The following PPP3CA variants were observed in gnomAD, a reference collection of about 807,000 sequenced individuals.
PPP3CA encodes CAM-PRP catalytic subunit.
PPP3CA carries 14 observed loss-of-function variants against 66.5 expected under a neutral mutation model. The observed-to-expected ratio is 0.21, with a 90% CI of 0.14 to 0.33. The LOEUF (loss-of-function observed/expected upper bound fraction) is 0.33. Ranked by LOEUF, PPP3CA falls within the 10% of genes least tolerant of loss-of-function variation. The pLI is 1.00. For synonymous variants in PPP3CA, 232 were observed against 226.2 expected (o/e 1.03, Z -0.23); for missense variants, 317 against 639.5 (o/e 0.50, Z 5.44).
intron 1 of PPP3CA, among the ~76,000 whole-genome samples, chr4:101,313,395 G>A (rs1470740392): frequency 6.6e-6 from 1 of 152,094 alleles, no homozygotes; most frequent in Non-Finnish European, 1.5e-5. Context: ...CAAGTAGAGA[G>A]TCATCTTCAT....
intron 1 of PPP3CA, among the ~76,000 whole-genome samples, chr4:101,273,662 A>C (rs1226577921): frequency 1.3e-5 from 2 of 152,306 alleles, no homozygotes; most frequent in African/African-American, 4.8e-5. Context: ...GTTCACATTT[A>C]AGAAACTGAA....
At chr4:101,190,176 A>G (rs1724552674) in intron 2 of PPP3CA, among the ~76,000 whole-genome samples, 1 of 152,088 alleles carries the variant, frequency 6.6e-6, no homozygotes, top group Non-Finnish European at 1.5e-5. Context: ...TACCTGAAAC[A>G]CCACTTCTCT....
chr4:101,058,209 G>A (rs765211841), intron 10 of PPP3CA, among the ~76,000 whole-genome samples: 63 of 152,162 alleles, frequency 4.1e-4, no homozygotes, highest in Non-Finnish European at 7.2e-4. Flanking sequence ...AGACACATAG[G>A]ACTTTTAATA....
chr4:101,282,203 T>C (rs1011364790), intron 1 of PPP3CA, among the ~76,000 whole-genome samples: 1 of 152,214 alleles, frequency 6.6e-6, no homozygotes. Flanking sequence ...GAAGTGTTTT[T>C]GACAGTCAAA....
In PPP3CA at chr4:101,109,002, G is replaced by A. The variant is rs1721551050; in HGVS notation, c.336C>T (p.Arg112=). The change falls in exon 3 of 14, where the codon CGC becomes CGT. Residue 112 remains arginine (R), a synonymous_variant. Coordinates refer to ENST00000394854, the MANE Select transcript of PPP3CA (RefSeq NM_000944.5). ...FEVGGSPANT[R]YLFLGDYVDR... is the part of the protein sequence containing the mutation. ...CAACATAGTCCCCTAAGAAGAGGTA[G>A]CGAGTGTTGGCAGGAGATCCCCCGA... 6.2e-7 allele frequency: 1 copy of A among 1,613,660 alleles called. No individual in the cohort carries two copies. Among genetic ancestry groups the A allele is most frequent in the African/African-American group, 1.3e-5 (1 of 74,990 alleles).
intron 2 of PPP3CA, among the ~76,000 whole-genome samples, chr4:101,195,345 A>T (rs538538842): frequency 6.6e-6 from 1 of 152,254 alleles, no homozygotes; most frequent in East Asian, 1.9e-4. Context: ...TTCTTCCGAA[A>T]GTTCAGTGCT....
chr4:101,034,228 G>C (rs1727141015), intron 11 of PPP3CA, among the ~76,000 whole-genome samples: 1 of 152,028 alleles, frequency 6.6e-6, no homozygotes, highest in South Asian at 2.1e-4. Context: ...TCCACTGAGG[G>C]GCGCTGCACT....
At chr4:101,116,754 T>A (rs545836788) in intron 2 of PPP3CA, among the ~76,000 whole-genome samples, 1 of 151,902 alleles carries the variant, frequency 6.6e-6, no homozygotes, top group African/African-American at 2.4e-5. Flanking sequence ...ATCGTTCTAA[T>A]TTACTAAAGA....
Position 101,099,723 on chromosome 4 carries a change from C to G in PPP3CA, c.385-1G>C. 6.9e-7 allele frequency: 1 copy of G among 1,443,376 alleles called. No homozygotes were observed. The highest frequency in any genetic ancestry group is 9.3e-7 in the Non-Finnish European group (1 of 1,076,442). 89.4% of individuals were successfully genotyped at this position (1,443,376 alleles called of 1,614,324 possible). On this transcript the variant is annotated splice_acceptor_variant, in intron 3 of 13. Transcript: ENST00000394854. LOFTEE classifies it high-confidence loss of function. The stretch of plus-strand genomic sequence containing the variant: ...TCAAGGCCCACAAATACAGCACACA[C>G]TGAGAAAAATAAAAATAATATAAAA...
intron 1 of PPP3CA, among the ~76,000 whole-genome samples, chr4:101,247,286 G>A (rs1327741590): frequency 8.6e-5 from 13 of 151,488 alleles, no homozygotes; most frequent in Admixed American, 2.6e-4. Context: ...CTCAGCCTCC[G>A]GAGTAGCTGG....
rs117515229 is a variant in PPP3CA, at chr4:101,106,293, G to A, written c.384+2661C>T. ...CTATGACTGTGCCACTGCAGAGAAT[G>A]AAGCCACAGTGAGCTATGACTGTGC... On this transcript the variant is annotated intron_variant, in intron 3 of 13. Transcript: ENST00000394854. Among the ~76,000 whole-genome samples the A allele has an allele frequency of 2.6e-3, 393 of 151,082 alleles. 6 individuals carry two copies. In the East Asian group the frequency reaches 0.06, roughly 23 times the overall value.
At chr4:101,307,630 A>G (rs1728588992) in intron 1 of PPP3CA, among the ~76,000 whole-genome samples, 1 of 152,226 alleles carries the variant, frequency 6.6e-6, no homozygotes, top group Non-Finnish European at 1.5e-5. Context: ...TCCAGTGTTA[A>G]AAACACTAAA....
intron 7 of PPP3CA, among the ~76,000 whole-genome samples, chr4:101,082,302 C>A (rs1729476193): frequency 2.0e-5 from 3 of 152,198 alleles, no homozygotes; most frequent in Non-Finnish European, 4.4e-5. Context: ...GTGAAATGAA[C>A]TTGGTATCTT....
intron 2 of PPP3CA, among the ~76,000 whole-genome samples, chr4:101,181,673 C>A (rs1237691955): frequency 6.6e-6 from 1 of 152,006 alleles, no homozygotes; most frequent in Non-Finnish European, 1.5e-5. Context: ...AAAAAAGAAA[C>A]ACATTACAAT....
intron 1 of PPP3CA, among the ~76,000 whole-genome samples, chr4:101,275,943 C>T (rs1317380793): frequency 6.6e-6 from 1 of 151,166 alleles, no homozygotes; most frequent in Non-Finnish European, 1.5e-5. Flanking sequence ...GTTGCCCAGA[C>T]TGGAGTGCTG....
intron 2 of PPP3CA, among the ~76,000 whole-genome samples, chr4:101,192,310 T>C (rs1184280746): frequency 6.6e-6 from 1 of 152,136 alleles, no homozygotes; most frequent in Non-Finnish European, 1.5e-5. Flanking sequence ...GAAAGTTTCC[T>C]AATCACCCCA....
intron 2 of PPP3CA, among the ~76,000 whole-genome samples, chr4:101,174,096 C>A (rs889407186): frequency 1.3e-5 from 2 of 151,742 alleles, no homozygotes; most frequent in East Asian, 1.9e-4. Flanking sequence ...ACGCCCCCCC[C>A]ACCCCGCCAG....
intron 1 of PPP3CA, among the ~76,000 whole-genome samples, chr4:101,196,605 A>G (rs1212417411): frequency 6.6e-6 from 1 of 152,174 alleles, no homozygotes; most frequent in Non-Finnish European, 1.5e-5. Flanking sequence ...TACTCACTGT[A>G]TAAGAAAACA....
chr4:101,248,488 A>G (rs1180696780), intron 1 of PPP3CA, among the ~76,000 whole-genome samples: 6 of 152,164 alleles, frequency 3.9e-5, no homozygotes, highest in African/African-American at 1.2e-4. Flanking sequence ...ATTTAAACAT[A>G]TATATTTATA....
Sources: allele counts gnomAD v4.1 joint callset (sites outside exome capture counted in the v4.1 genomes callset), GRCh38; gene constraint gnomAD v4.1.1; transcripts MANE v1.5; gene names NCBI Gene and HGNC (gene_info 2026-07-23, HGNC 2026-07-21).